Variants in PDE6C observed in about 807,000 individuals in gnomAD.
PDE6C encodes the protein cone cGMP-specific 3',5'-cyclic phosphodiesterase subunit alpha'.
PDE6C carries 75 observed loss-of-function variants against 113.1 expected under a neutral mutation model. The observed-to-expected ratio is 0.66, with a 90% confidence interval of 0.55 to 0.80. The LOEUF (loss-of-function observed/expected upper bound fraction) is 0.80, where lower values mean the gene tolerates loss of function less well. Ranked by LOEUF, PDE6C falls within the 30% of genes least tolerant of loss-of-function variation. PDE6C has a pLI of 0.00. For synonymous variants in PDE6C, 375 were observed against 363.7 expected, an observed-to-expected ratio of 1.03 and a Z score of -0.35; for missense variants, 912 against 1,038.6, an observed-to-expected ratio of 0.88 and a Z score of 1.67.
In PDE6C at chr10:93,621,078, G is replaced by A. The variant is rs1024434467; in HGVS notation, c.723+98G>A. On this transcript the variant is annotated intron_variant, in intron 3 of 21. Transcript: ENST00000371447. ...GACCCCTCCTATTCCTCCTGGGGGT[G>A]TAAGCCACGTGGAACAGATCCCCAA... 5 of 951,490 alleles carry A rather than the reference G, an allele frequency of 5.3e-6. No homozygotes were observed. The African/African-American group carries it at 6.4e-5, about 12-fold the overall frequency. 58.9% of individuals were successfully genotyped at this position (951,490 alleles called of 1,614,324 possible). A position where few individuals can be genotyped will look rare whatever the true frequency, so the allele number is the denominator to read the frequency against.
chr10:93,623,572 T>C (rs927973125), intron 4 of PDE6C, among the ~76,000 whole-genome samples: 1 of 152,224 alleles, frequency 6.6e-6, no homozygotes, highest in African/African-American at 2.4e-5. Flanking sequence ...TGTCATCTCC[T>C]AGAATTTTTA....
Position 93,640,170 on chromosome 10 carries a change from T to C in PDE6C, c.1583T>C (p.Leu528Pro). The change falls in exon 12 of 22, where the codon CTG (leucine) becomes CCG (proline). Residue 528 changes from leucine to proline, a missense_variant. Transcript: ENST00000371447. ...EHGLIKCGIR[L>P]FFEINVVEKF... ...GGATTGATTAAATGTGGAATACGAC[T>C]GTTTTTTGAAATAAATGTGGTGGAG... The C allele has an allele frequency of 6.2e-7, 1 of 1,613,656 alleles. No homozygotes were observed. Among genetic ancestry groups the C allele is most frequent in the Non-Finnish European group, 8.5e-7 (1 of 1,179,532 alleles).
chr10:93,633,724 A>G (rs921756567), intron 8 of PDE6C, among the ~76,000 whole-genome samples: 2 of 152,198 alleles, frequency 1.3e-5, no homozygotes, highest in Admixed American at 1.3e-4. Flanking sequence ...TTCATGGATC[A>G]GTCAGAAAAA....
intron 19 of PDE6C, 59 bp downstream of exon 19, chr10:93,662,192 C>T (rs752958926): frequency 3.7e-6 from 4 of 1,079,078 alleles, no homozygotes; most frequent in Middle Eastern, 2.0e-4. Flanking sequence ...AGGCCGGGCG[C>T]GGTGGCTCAC....
chr10:93,629,903 C>T (rs1279914293), intron 8 of PDE6C, among the ~76,000 whole-genome samples: 1 of 152,134 alleles, frequency 6.6e-6, no homozygotes, highest in African/African-American at 2.4e-5. Flanking sequence ...TCCTAACAGG[C>T]CATGGGCCAG....
At chr10:93,618,274 G>GTGCCAGACACTCTTTTTTTTTCT (rs1208930521) in intron 1 of PDE6C, among the ~76,000 whole-genome samples, 9 of 152,072 alleles carry the variant, frequency 5.9e-5, no homozygotes, top group Non-Finnish European at 1.0e-4. Context: ...TGAATACTAT[G>GTGCCAGACACTCTTTTTTTTTCT]TGCCAGACAC....
chr10:93,627,768 A>AT (rs2058481179), intron 7 of PDE6C, among the ~76,000 whole-genome samples: 1 of 152,222 alleles, frequency 6.6e-6, no homozygotes, highest in Non-Finnish European at 1.5e-5. Flanking sequence ...AAATGATGTA[A>AT]TTTATTCAAG....
intron 21 of PDE6C, among the ~76,000 whole-genome samples, chr10:93,663,592 ATTC>A (rs751054226): frequency 2.0e-5 from 3 of 152,172 alleles, no homozygotes; most frequent in East Asian, 3.9e-4. Context: ...TGAGTTTAAT[ATTC>A]TTCTCCATGT....
chr10:93,616,644 C>T (rs775134096), intron 1 of PDE6C, among the ~76,000 whole-genome samples: 149 of 145,530 alleles, frequency 1.0e-3, no homozygotes, highest in Non-Finnish European at 1.8e-3. Context: ...AAGTTGAAGG[C>T]AGGAAGACTT....
chr10:93,652,009 G>A (rs1169817751), intron 15 of PDE6C, among the ~76,000 whole-genome samples: 1 of 152,012 alleles, frequency 6.6e-6, no homozygotes, highest in African/African-American at 2.4e-5. Flanking sequence ...GTGTGCAAGT[G>A]TGTGTGTGCA....
At chr10:93,641,403 C>T (rs1450571357) in intron 14 of PDE6C, among the ~76,000 whole-genome samples, 3 of 152,074 alleles carry the variant, frequency 2.0e-5, no homozygotes, top group African/African-American at 4.8e-5. Flanking sequence ...GAGAGTGAGG[C>T]GGGCGGATCA....
intron 14 of PDE6C, among the ~76,000 whole-genome samples, chr10:93,642,459 C>A (rs1001699925): frequency 6.6e-6 from 1 of 152,174 alleles, no homozygotes; most frequent in Non-Finnish European, 1.5e-5. Context: ...TTGCTCATGG[C>A]CAGCCCAGTT....
At chr10:93,628,024 C>T (rs1251731217) in intron 7 of PDE6C, among the ~76,000 whole-genome samples, 1 of 152,106 alleles carries the variant, frequency 6.6e-6, no homozygotes, top group Non-Finnish European at 1.5e-5. Context: ...TTTTTTAGGA[C>T]TTTTGTGAGC....
At chr10:93,641,487 G>A (rs540165158) in intron 14 of PDE6C, among the ~76,000 whole-genome samples, 137 of 152,018 alleles carry the variant, frequency 9.0e-4, no homozygotes, top group African/African-American at 3.0e-3. Flanking sequence ...AAAATTAGTC[G>A]GATGTGGCAC....
intron 8 of PDE6C, among the ~76,000 whole-genome samples, chr10:93,631,818 A>G (rs1450450368): frequency 6.6e-6 from 1 of 152,266 alleles, no homozygotes; most frequent in African/African-American, 2.4e-5. Flanking sequence ...GCAAACCTGC[A>G]AAGGCAGTGG....
intron 4 of PDE6C, among the ~76,000 whole-genome samples, chr10:93,622,462 A>G (rs1445654493): frequency 6.6e-6 from 1 of 152,024 alleles, no homozygotes; most frequent in African/African-American, 2.4e-5. Context: ...TTATTAACTA[A>G]AGTCCATAGT....
chr10:93,623,865 T>A (rs2058460027), intron 4 of PDE6C, among the ~76,000 whole-genome samples: 1 of 152,216 alleles, frequency 6.6e-6, no homozygotes, highest in African/African-American at 2.4e-5. Flanking sequence ...TCATGGCAAA[T>A]CTTAAGTCAG....
intron 4 of PDE6C, among the ~76,000 whole-genome samples, chr10:93,624,396 G>T (rs1049343420): frequency 6.6e-6 from 1 of 151,952 alleles, no homozygotes; most frequent in Admixed American, 6.6e-5. Flanking sequence ...GTACCACCAC[G>T]TCCACTGATT....
At chr10:93,633,401 G>T (rs1264480371) in intron 8 of PDE6C, among the ~76,000 whole-genome samples, 1 of 149,022 alleles carries the variant, frequency 6.7e-6, no homozygotes, top group African/African-American at 2.5e-5. Flanking sequence ...GGGAGGCAGA[G>T]GTTGCAGTGA....
Sources: gnomAD v4.1 joint callset for allele counts (sites outside exome capture counted in the v4.1 genomes callset) on GRCh38, gnomAD v4.1.1 for gene constraint, MANE v1.5 for transcripts, NCBI Gene and HGNC (gene_info 2026-07-23, HGNC 2026-07-21) for gene names.